Variants in GEMIN5 observed in about 807,000 individuals in gnomAD.
GEMIN5 encodes the protein gem-associated protein 5.
GEMIN5 carries 124 observed loss-of-function variants against 176.9 expected under a neutral mutation model. The ratio of observed to expected loss-of-function variants is 0.70; its 90% CI spans 0.61 to 0.81. The LOEUF is 0.81. Among genes scored for constraint, GEMIN5 ranks in the 40% least tolerant of loss-of-function variants. GEMIN5 has a pLI of 0.00. For synonymous variants in GEMIN5, 673 were observed against 665.2 expected, an observed-to-expected ratio of 1.01 and a Z score of -0.18; for missense variants, 1,843 against 1,814.6, an observed-to-expected ratio of 1.02 and a Z score of -0.28.
intron 13 of GEMIN5, among the ~76,000 whole-genome samples, chr5:154,915,723 T>C (rs1206470084): frequency 6.6e-6 from 1 of 152,194 alleles, no homozygotes; most frequent in Non-Finnish European, 1.5e-5. Context: ...GAGAATCAGA[T>C]GCAATCAAAC....
rs755788802 is a variant in GEMIN5, at chr5:154,919,983, T to C, written c.1583A>G (p.Asp528Gly). 1.2e-6 allele frequency: 2 copies of C among 1,613,564 alleles called. No homozygotes were observed. The highest frequency in any genetic ancestry group is 2.2e-5 in the South Asian group (2 of 90,992). The change falls in exon 11 of 28, where the codon GAC becomes GGC. Residue 528 changes from aspartate (D) to glycine (G), a missense_variant. Transcript: ENST00000285873. ...AGAACTCACTTTGATTGAATTGGTGTCCCTGATGAGTTTGTTGATGTCAAA... is the reference window on the plus strand; with the variant it reads ...AGAACTCACTTTGATTGAATTGGTGCCCCTGATGAGTTTGTTGATGTCAAA... Reference protein sequence around the residue: ...EAFDINKLIRDTNSIKYKLPV... With the variant: ...EAFDINKLIRGTNSIKYKLPV...
chr5:154,912,966 G>C lies in GEMIN5; in HGVS notation c.1928C>G (p.Thr643Ser). Residue 643 changes from threonine to serine, a missense_variant, in exon 14 of 28, where the codon ACC becomes AGC. By Grantham distance (58) the Thr-to-Ser change is moderately conservative. Coordinates refer to ENST00000285873, the MANE Select transcript of GEMIN5 (RefSeq NM_015465.5). ...ATGATGTGGGCTCCACGCCACACTG[G>C]TAATCTTGGCCGTATGCCCTGAGAG... ...RTLSGHTAKI[T>S]SVAWSPHHDG... The C allele has an allele frequency of 6.2e-7, 1 of 1,613,432 alleles. No homozygotes were observed. The highest frequency in any genetic ancestry group is 1.1e-5 in the South Asian group (1 of 91,082).
Position 154,938,202 on chromosome 5 carries a change from G to A in GEMIN5, c.-69C>T, listed in dbSNP as rs1353673249. 8.1e-7 allele frequency: 1 copy of A among 1,235,610 alleles called. No individual in the cohort carries two copies. Among genetic ancestry groups the A allele is most frequent in the Middle Eastern group, 3.0e-4 (1 of 3,306 alleles). The allele number at this position is 1,235,610 out of a possible 1,614,324, so 76.5% of individuals were successfully genotyped here. A position where few individuals can be genotyped will look rare whatever the true frequency, so the allele number is the denominator to read the frequency against. ...GCTCGTAGCCTCACGCCTTAGGTAGGGAGCGGGGCGGGGTGAACTCCGAGC... is the reference window on the plus strand; with the variant it reads ...GCTCGTAGCCTCACGCCTTAGGTAGAGAGCGGGGCGGGGTGAACTCCGAGC... On this transcript the variant is annotated 5_prime_UTR_variant, in exon 1 of 28. Coordinates refer to ENST00000285873, the MANE Select transcript of GEMIN5 (RefSeq NM_015465.5).
At chr5:154,912,784 T>C in intron 14 of GEMIN5, 115 bp downstream of exon 14, 1 of 873,364 alleles carries the variant, frequency 1.1e-6, no homozygotes, top group Non-Finnish European at 1.7e-6. Context: ...GAAAATCTCC[T>C]TCAGTAGATG....
chr5:154,928,395 C>T, intron 6 of GEMIN5, 132 bp downstream of exon 6: 1 of 755,402 alleles, frequency 1.3e-6, no homozygotes, highest in East Asian at 2.4e-5. Context: ...AGGCATTAGT[C>T]TCATAATTTT....
chr5:154,922,536 C>T (rs1422124699), intron 9 of GEMIN5, among the ~76,000 whole-genome samples: 1 of 152,184 alleles, frequency 6.6e-6, no homozygotes, highest in Non-Finnish European at 1.5e-5. Context: ...ATACCCACCA[C>T]TCTCTGGCTA....
Position 154,891,233 on chromosome 5 carries a change from G to C in GEMIN5, c.4262+8C>G. The C allele has an allele frequency of 6.2e-7, 1 of 1,611,242 alleles. No homozygotes were observed. Among genetic ancestry groups the C allele is most frequent in the Non-Finnish European group, 8.5e-7 (1 of 1,178,128 alleles). The stretch of plus-strand genomic sequence containing the variant: ...TTCATTCCGTCTTGTACTTGCCTCA[G>C]TACTTACCACTGGCTCTGAGAACTG... On this transcript the variant is annotated splice_region_variant and intron_variant, in intron 26 of 27. Transcript: ENST00000285873.
intron 20 of GEMIN5, among the ~76,000 whole-genome samples, chr5:154,901,883 T>A (rs1763473319): frequency 6.6e-6 from 1 of 152,068 alleles, no homozygotes; most frequent in African/African-American, 2.4e-5. Flanking sequence ...CACTGCAGCC[T>A]TAACCTCCCC....
At chr5:154,898,231 TG>T (rs1763394493) in intron 23 of GEMIN5, among the ~76,000 whole-genome samples, 1 of 152,156 alleles carries the variant, frequency 6.6e-6, no homozygotes, top group South Asian at 2.1e-4. Context: ...AGATAAGCAA[TG>T]GGAATTACTG....
intron 15 of GEMIN5, among the ~76,000 whole-genome samples, chr5:154,911,448 G>A (rs1340638870): frequency 6.6e-6 from 1 of 152,148 alleles, no homozygotes; most frequent in Non-Finnish European, 1.5e-5. Context: ...AGGAGGTGGA[G>A]GCTGCAGCGA....
intron 23 of GEMIN5, among the ~76,000 whole-genome samples, chr5:154,897,616 T>C (rs978271578): frequency 4.6e-5 from 7 of 152,226 alleles, no homozygotes; most frequent in African/African-American, 1.7e-4. Context: ...GCCTCTCAAG[T>C]AGCCAAATTA....
chr5:154,923,288 G>A (rs1474723544), intron 9 of GEMIN5, among the ~76,000 whole-genome samples: 2 of 152,102 alleles, frequency 1.3e-5, no homozygotes, highest in Non-Finnish European at 2.9e-5. Flanking sequence ...GCTGAGGCAG[G>A]AGAATCGCTT....
intron 23 of GEMIN5, 132 bp downstream of exon 23, chr5:154,898,308 A>G (rs2113462635): frequency 1.3e-6 from 1 of 740,780 alleles, no homozygotes. Context: ...TCAGTGGGAT[A>G]GCATGGCCAG....
chr5:154,901,548 G>A, intron 20 of GEMIN5, 62 bp from the exon 21 acceptor site: 1 of 1,499,962 alleles, frequency 6.7e-7, no homozygotes, highest in East Asian at 2.3e-5. Flanking sequence ...ACAATACCCA[G>A]TACATTTGGG....
chr5:154,895,112 G>GA (rs1234332372), intron 24 of GEMIN5, among the ~76,000 whole-genome samples: 1 of 151,646 alleles, frequency 6.6e-6, no homozygotes, highest in Non-Finnish European at 1.5e-5. Context: ...AAAAAGAAAA[G>GA]AAAAAAAGAA....
intron 21 of GEMIN5, 28 bp from the exon 22 acceptor site, chr5:154,899,338 A>C: frequency 6.3e-7 from 1 of 1,582,644 alleles, no homozygotes; most frequent in Non-Finnish European, 8.6e-7. Context: ...CCCTTTAGCC[A>C]ATCTGAAAAG....
At chr5:154,931,221 A>G (rs1289668318) in intron 5 of GEMIN5, among the ~76,000 whole-genome samples, 1 of 152,252 alleles carries the variant, frequency 6.6e-6, no homozygotes, top group Non-Finnish European at 1.5e-5. Flanking sequence ...TGACCCTTCT[A>G]TAAAGCAAGA....
intron 1 of GEMIN5, 117 bp downstream of exon 1, chr5:154,937,851 C>T: frequency 1.1e-6 from 1 of 917,486 alleles, no homozygotes; most frequent in Non-Finnish European, 1.5e-6. Flanking sequence ...GCTGCCTCTC[C>T]TCCCAGCCTG....
intron 13 of GEMIN5, 40 bp downstream of exon 13, chr5:154,916,958 C>T (rs147537034): frequency 1.9e-4 from 218 of 1,171,590 alleles, no homozygotes; most frequent in African/African-American, 1.6e-3. Context: ...AGTAGCTGAA[C>T]AAACGATATC....
Sources: gnomAD v4.1 joint callset for allele counts (sites outside exome capture counted in the v4.1 genomes callset) on GRCh38, gnomAD v4.1.1 for gene constraint, MANE v1.5 for transcripts, NCBI Gene and HGNC (gene_info 2026-07-23, HGNC 2026-07-21) for gene names.